The following KIF26B variants were observed in gnomAD, a reference collection of about 807,000 sequenced individuals.
KIF26B encodes kinesin family member 26B, also known as kinesin-like protein KIF26B.
Under a neutral mutation model 151.2 loss-of-function variants are expected in KIF26B, and 63 were observed. The ratio of observed to expected loss-of-function variants is 0.42; its 90% CI spans 0.34 to 0.51. The LOEUF (loss-of-function observed/expected upper bound fraction) is 0.51, where lower values mean the gene tolerates loss of function less well. Among genes scored for constraint, KIF26B ranks in the 20% least tolerant of loss-of-function variants. The pLI is 0.07. For missense variants in KIF26B, 2,813 were observed against 2,913.6 expected, an observed-to-expected ratio of 0.97 and a Z score of 0.79; for synonymous variants, 1,357 against 1,262.1, an observed-to-expected ratio of 1.08 and a Z score of -1.59.
rs910979665 is a variant in KIF26B, at chr1:245,216,168, C to T, written c.465+59485C>T. On this transcript the variant is annotated intron_variant, in intron 2 of 14. Transcript: ENST00000407071. Reference sequence around the variant, plus strand: ...ATTTCTTTAAGAGATATCCCTTCTCCTTGAGTTCCATTTTTATGGGAATTA... The same window carrying T: ...ATTTCTTTAAGAGATATCCCTTCTCTTTGAGTTCCATTTTTATGGGAATTA... 2.0e-5 allele frequency: 3 copies of T among 151,124 alleles called. No homozygotes were observed. In the South Asian group the frequency reaches 6.3e-4, roughly 32 times the overall value. The allele number at this position is 151,124 out of a possible 1,614,324, so 9.4% of individuals were successfully genotyped here. A position where few individuals can be genotyped will look rare whatever the true frequency, so the allele number is the denominator to read the frequency against.
Position 245,190,214 on chromosome 1 carries a change from C to T in KIF26B, c.465+33531C>T, listed in dbSNP as rs114558244. 5.2e-3 allele frequency among the ~76,000 whole-genome samples: 796 copies of T among 152,298 alleles called. 4 individuals carry two copies. The highest frequency in any genetic ancestry group is 7.5e-3 in the Non-Finnish European group (513 of 68,020). ...TGGGAATTAAGGGAGCTACAATTCACGATGAAATTTGGGAGGGGACACAGC... is the reference window on the plus strand; with the variant it reads ...TGGGAATTAAGGGAGCTACAATTCATGATGAAATTTGGGAGGGGACACAGC... On this transcript the variant is annotated intron_variant, in intron 2 of 14. Transcript: ENST00000407071.
At chr1:245,232,231 T>G (rs1670012954) in intron 2 of KIF26B, among the ~76,000 whole-genome samples, 1 of 152,182 alleles carries the variant, frequency 6.6e-6, no homozygotes, top group Non-Finnish European at 1.5e-5. Flanking sequence ...GACGCCAAAT[T>G]TGTAAAGCAA....
intron 4 of KIF26B, among the ~76,000 whole-genome samples, chr1:245,471,386 G>C (rs777159723): frequency 6.6e-6 from 1 of 151,906 alleles, no homozygotes; most frequent in Non-Finnish European, 1.5e-5. Flanking sequence ...CACCCACCTC[G>C]GCCTCCCAAA....
chr1:245,663,032 T>C (rs1176786788), intron 10 of KIF26B, among the ~76,000 whole-genome samples: 1 of 151,584 alleles, frequency 6.6e-6, no homozygotes, highest in Non-Finnish European at 1.5e-5. Context: ...TTTGTATCTC[T>C]CTCCATTCTT....
intron 2 of KIF26B, chr1:245,226,086 G>C (rs979708480): frequency 6.6e-6 from 1 of 152,278 alleles, no homozygotes; most frequent in Non-Finnish European, 1.5e-5. Context: ...GATCCATGCA[G>C]TCAGCAGCGT....
intron 4 of KIF26B, among the ~76,000 whole-genome samples, chr1:245,420,092 C>T (rs112494727): frequency 1.1e-4 from 17 of 152,206 alleles, no homozygotes; most frequent in Non-Finnish European, 1.8e-4. Flanking sequence ...TCCAAAGATG[C>T]TCTTTTGCAG....
chr1:245,698,966 A>G lies in KIF26B; in HGVS notation c.6107A>G (p.Glu2036Gly). 2 of 1,614,042 alleles carry G rather than the reference A, an allele frequency of 1.2e-6. No homozygotes were observed. The highest frequency in any genetic ancestry group is 1.7e-6 in the Non-Finnish European group (2 of 1,179,894). The change falls in exon 14 of 15, where the codon GAG becomes GGG. Residue 2036 changes from glutamate to glycine, a missense_variant. By Grantham distance (98) the Glu-to-Gly change is moderately conservative (BLOSUM62 -2). This residue lies in a region of KIF26B where 2,060 missense variants were observed against 2,088.6 expected (regional missense o/e 0.99). Transcript: ENST00000407071. This position sits in a 1 kb window ranked among gnomAD's most constrained non-coding sequence, Gnocchi z 4.0. ...ATCGCCGAGGTCCGCGCGAAGTACG[A>G]GTGGCTGATGAAGGAGCTGGAGGCG... is the stretch of plus-strand genomic sequence containing the variant. The part of the protein sequence containing the change: ...QRIAEVRAKY[E>G]WLMKELEATK...
intron 9 of KIF26B, among the ~76,000 whole-genome samples, chr1:245,631,630 C>A (rs1400096393): frequency 6.6e-6 from 1 of 152,138 alleles, no homozygotes. Context: ...AGGAAGACTT[C>A]CCGCCTCTTC....
chr1:245,442,284 G>C (rs541860439), intron 4 of KIF26B, among the ~76,000 whole-genome samples: 5 of 152,260 alleles, frequency 3.3e-5, no homozygotes, highest in African/African-American at 9.6e-5. Flanking sequence ...TCCGTGCTCT[G>C]GGTACGTGTG....
chr1:245,346,438 C>G (rs1439848772), intron 2 of KIF26B, among the ~76,000 whole-genome samples: 1 of 152,138 alleles, frequency 6.6e-6, no homozygotes, highest in East Asian at 1.9e-4. Context: ...GGCTTTGCAT[C>G]TCTGGCCACC....
At chr1:245,404,086 C>T (rs569926191) in intron 3 of KIF26B, among the ~76,000 whole-genome samples, 20 of 152,088 alleles carry the variant, frequency 1.3e-4, no homozygotes, top group South Asian at 2.1e-4. Context: ...GTTTTAAGTG[C>T]GGTGGAATCA....
At position 245,228,724 on chromosome 1, in the gene KIF26B, G is replaced by A. The variant is rs189686342; in HGVS notation, c.465+72041G>A. Among the ~76,000 whole-genome samples, 32 of 152,192 alleles carry A rather than the reference G, an allele frequency of 2.1e-4. No individual in the cohort carries two copies. In the East Asian group the frequency reaches 4.8e-3, roughly 23 times the overall value. On this transcript the variant is annotated intron_variant, in intron 2 of 14. Transcript: ENST00000407071. Reference sequence around the variant, plus strand: ...ACATGTATTATCTCACTTAATCTTCGCAGTAATCTGAGGAGATAATGTTAC... The same window carrying A: ...ACATGTATTATCTCACTTAATCTTCACAGTAATCTGAGGAGATAATGTTAC...
At chr1:245,617,348 T>C (rs983936550) in intron 9 of KIF26B, among the ~76,000 whole-genome samples, 1 of 152,238 alleles carries the variant, frequency 6.6e-6, no homozygotes, top group Non-Finnish European at 1.5e-5. Flanking sequence ...TCCACCCACC[T>C]CGGCCTCCCC....
At chr1:245,187,756 C>T (rs7524105) in intron 2 of KIF26B, among the ~76,000 whole-genome samples, 33,037 of 151,916 alleles carry the variant, frequency 0.22, 4,295 homozygotes, top group East Asian at 0.72. Flanking sequence ...ACACACTTTT[C>T]GTGGCTATAA....
intron 5 of KIF26B, among the ~76,000 whole-genome samples, chr1:245,590,386 TA>T (rs900333163): frequency 6.6e-6 from 1 of 152,158 alleles, no homozygotes; most frequent in Non-Finnish European, 1.5e-5. Context: ...TGAACACATC[TA>T]AAAAAATTCT....
At chr1:245,301,599 C>G (rs1177422939) in intron 2 of KIF26B, among the ~76,000 whole-genome samples, 1 of 152,166 alleles carries the variant, frequency 6.6e-6, no homozygotes, top group East Asian at 1.9e-4. Flanking sequence ...GTCATTGGCC[C>G]TGTATCTTAA....
At chr1:245,436,475 C>A (rs1572060395) in intron 4 of KIF26B, among the ~76,000 whole-genome samples, 1 of 152,156 alleles carries the variant, frequency 6.6e-6, no homozygotes, top group Admixed American at 6.5e-5. Context: ...GTGTGCAAAG[C>A]TAAAGAGCTG....
chr1:245,623,026 GTTTTTTTTTTTTT>G (rs56666383), intron 9 of KIF26B, among the ~76,000 whole-genome samples: 3 of 111,854 alleles, frequency 2.7e-5, no homozygotes, highest in African/African-American at 9.3e-5. Context: ...TCGTGAGCAA[GTTTTTTTTTTTTT>G]TTTTTTTTTT....
In KIF26B at chr1:245,166,308, T is replaced by C. The variant is rs979502923; in HGVS notation, c.465+9625T>C. ...CCTTTTTTCCTTCCTTCCTTCCATC[T>C]GACACGAAAATGGAGAAACAGCAGT... On this transcript the variant is annotated intron_variant, in intron 2 of 14. Coordinates refer to ENST00000407071, the MANE Select transcript of KIF26B (RefSeq NM_018012.4). The surrounding 1 kb of genome is among the most constrained non-coding windows in gnomAD (Gnocchi z 4.5). 1.3e-5 allele frequency among the ~76,000 whole-genome samples: 2 copies of C among 152,218 alleles called. No individual in the cohort carries two copies. The highest frequency in any genetic ancestry group is 6.5e-5 in the Admixed American group (1 of 15,278).
Sources: allele counts gnomAD v4.1 joint callset (sites outside exome capture counted in the v4.1 genomes callset), GRCh38; gene constraint gnomAD v4.1.1; regional missense constraint gnomAD v4.1.1; non-coding constraint Gnocchi (gnomAD v3.1); transcripts MANE v1.5; gene names NCBI Gene and HGNC (gene_info 2026-07-23, HGNC 2026-07-21).